The following SUPT5H variants were observed in gnomAD, a reference collection of about 807,000 sequenced individuals.
SUPT5H encodes SPT5 homolog, DSIF elongation factor subunit.
SUPT5H carries 24 observed loss-of-function variants against 142.5 expected under a neutral mutation model. That is an observed-to-expected ratio of 0.17 (90% CI 0.12 to 0.24). The LOEUF is 0.24. Among genes scored for constraint, SUPT5H ranks in the 10% least tolerant of loss-of-function variants. The probability of loss-of-function intolerance (pLI) is 1.00; values close to 1 mark genes in which losing one functional copy is unlikely to be tolerated. For missense variants in SUPT5H, 893 were observed against 1,471.8 expected, an observed-to-expected ratio of 0.61 and a Z score of 6.43; for synonymous variants, 546 against 553.0, an observed-to-expected ratio of 0.99 and a Z score of 0.18.
In SUPT5H at chr19:39,474,143, C is replaced by G; in HGVS notation, c.2651+22C>G. On this transcript the variant is annotated intron_variant, in intron 26 of 29. Coordinates refer to ENST00000432763, the MANE Select transcript of SUPT5H (RefSeq NM_001111020.3). This position sits in a 1 kb window ranked among gnomAD's most constrained non-coding sequence, Gnocchi z 6.5. ...CCATGTGAGTCCACTGGGGCCTGCCCTCGTCTACCCCTGCCCAAACCCTCC... is the reference window on the plus strand; with the variant it reads ...CCATGTGAGTCCACTGGGGCCTGCCGTCGTCTACCCCTGCCCAAACCCTCC... The G allele has an allele frequency of 6.2e-7, 1 of 1,604,492 alleles. No individual in the cohort carries two copies. The highest frequency in any genetic ancestry group is 1.3e-5 in the African/African-American group (1 of 74,914).
intron 9 of SUPT5H, 59 bp downstream of exon 9, chr19:39,459,648 G>C (rs969581202): frequency 1.0e-5 from 16 of 1,605,172 alleles, no homozygotes; most frequent in East Asian, 4.5e-5. Flanking sequence ...GCTGCTTTGT[G>C]GGGGAGAAGT....
chr19:39,465,047 C>G lies in SUPT5H; in HGVS notation c.874C>G (p.Gln292Glu). The G allele has an allele frequency of 6.2e-7, 1 of 1,611,166 alleles. No homozygotes were observed. Among genetic ancestry groups the G allele is most frequent in the South Asian group, 1.1e-5 (1 of 90,962 alleles). The change falls in exon 11 of 30, where the codon CAG (glutamine) becomes GAG (glutamate). Residue 292 changes from glutamine (Q) to glutamate (E), a missense_variant and splice_region_variant. This residue lies in a region of SUPT5H where 428 missense variants were observed against 763.5 expected (regional missense o/e 0.56). Coordinates refer to ENST00000432763, the MANE Select transcript of SUPT5H (RefSeq NM_001111020.3). ...KRGIYKDDIA[Q>E]VDYVEPSQNT... ...GGGCATCTACAAGGATGACATTGCTCAGGTGCCCGGGGCGGGGTGGCATGG... is the reference window on the plus strand; with the variant it reads ...GGGCATCTACAAGGATGACATTGCTGAGGTGCCCGGGGCGGGGTGGCATGG...
intron 18 of SUPT5H, 138 bp from the exon 19 acceptor site, chr19:39,471,219 G>C (rs116204618): frequency 3.7e-5 from 39 of 1,051,150 alleles, no homozygotes; most frequent in Admixed American, 2.2e-4. Context: ...TGCCTGCCCC[G>C]CAGCCAGGGA....
Position 39,469,230 on chromosome 19 carries a change from C to T in SUPT5H, c.1238-32C>T, listed in dbSNP as rs2079283968. 6.2e-7 allele frequency: 1 copy of T among 1,614,080 alleles called. No homozygotes were observed. The highest frequency in any genetic ancestry group is 1.3e-5 in the African/African-American group (1 of 74,938). ...GAGCAGGGGCGGCCCATGGTGGCAACCCCCGAGTCAGCCCTACGACTGCCC... is the reference window on the plus strand; with the variant it reads ...GAGCAGGGGCGGCCCATGGTGGCAATCCCCGAGTCAGCCCTACGACTGCCC... On this transcript the variant is annotated intron_variant, in intron 15 of 29. Transcript: ENST00000432763. This position sits in a 1 kb window ranked among gnomAD's most constrained non-coding sequence, Gnocchi z 5.1.
Position 39,473,285 on chromosome 19 carries a change from G to T in SUPT5H, c.2341G>T (p.Gly781Cys), listed in dbSNP as rs2079350682. The T allele has an allele frequency of 6.2e-7, 1 of 1,613,796 alleles. No individual in the cohort carries two copies. Among genetic ancestry groups the T allele is most frequent in the Admixed American group, 1.7e-5 (1 of 60,006 alleles). The change falls in exon 24 of 30, where the codon GGC becomes TGC. Residue 781 changes from glycine (G) to cysteine (C), a missense_variant. Coordinates refer to ENST00000432763, the MANE Select transcript of SUPT5H (RefSeq NM_001111020.3). This position sits in a 1 kb window ranked among gnomAD's most constrained non-coding sequence, Gnocchi z 5.8. The stretch of plus-strand genomic sequence containing the variant: ...CTCCCAGACGCCCATGTATGGCTCT[G>T]GCTCCCGAACACCCATGTACGGCTC... ...YGSQTPMYGSGSRTPMYGSQT... is the reference protein window; with the variant it reads ...YGSQTPMYGSCSRTPMYGSQT...
In SUPT5H at chr19:39,469,627, T is replaced by A. The variant is rs2079291094; in HGVS notation, c.1374+229T>A. 1 of 620,370 alleles carries A rather than the reference T, an allele frequency of 1.6e-6. No homozygotes were observed. 38.4% of individuals were successfully genotyped at this position (620,370 alleles called of 1,614,324 possible). On this transcript the variant is annotated intron_variant, in intron 16 of 29. Transcript: ENST00000432763. This position sits in a 1 kb window ranked among gnomAD's most constrained non-coding sequence, Gnocchi z 5.1. ...TCTCTGGAGAGTGACTTGGTCTATCTTTTGTTTCTGAAAAGCAAGATATCT... is the reference window on the plus strand; with the variant it reads ...TCTCTGGAGAGTGACTTGGTCTATCATTTGTTTCTGAAAAGCAAGATATCT...
chr19:39,473,479 A>G lies in SUPT5H; in HGVS notation c.2450A>G (p.Gln817Arg). 2 of 1,612,746 alleles carry G rather than the reference A, an allele frequency of 1.2e-6. No individual in the cohort carries two copies. Among genetic ancestry groups the G allele is most frequent in the South Asian group, 1.1e-5 (1 of 91,076 alleles). Reference sequence around the variant, plus strand: ...CATGATGGCAGCCGCACTCCTGCCCAGAGTGGGGCCTGGGACCCCAACAAC... The same window carrying G: ...CATGATGGCAGCCGCACTCCTGCCCGGAGTGGGGCCTGGGACCCCAACAAC... ...PLHDGSRTPA[Q>R]SGAWDPNNPN... is the part of the protein sequence containing the mutation. Residue 817 changes from glutamine to arginine, a missense_variant, in exon 25 of 30, where the codon CAG becomes CGG. Gln to Arg is a conservative substitution (Grantham distance 43, BLOSUM62 1). Transcript: ENST00000432763. The surrounding 1 kb of genome is among the most constrained non-coding windows in gnomAD (Gnocchi z 5.8).
intron 2 of SUPT5H, among the ~76,000 whole-genome samples, chr19:39,449,743 A>G (rs1319383630): frequency 6.6e-6 from 1 of 151,340 alleles, no homozygotes. Context: ...ACGGTCAAGC[A>G]GTTCTCCTCT....
chr19:39,446,538 C>A (rs531246532), intron 2 of SUPT5H, among the ~76,000 whole-genome samples: 2 of 152,228 alleles, frequency 1.3e-5, no homozygotes, highest in South Asian at 4.1e-4. Flanking sequence ...TCGTGGTTAG[C>A]TGGAAGTGTA....
Position 39,458,030 on chromosome 19 carries a change from AC to A in SUPT5H, c.308-258del. On this transcript the variant is annotated intron_variant, in intron 4 of 29. Transcript: ENST00000432763. The surrounding 1 kb of genome is among the most constrained non-coding windows in gnomAD (Gnocchi z 4.2). ...GGGTGGGCGAGCTCTGTCCCAAGAT[AC>A]CCCCCACTTCCTGGGCCAGTGCCCC... 5 of 713,264 alleles carry A rather than the reference AC, an allele frequency of 7.0e-6. No individual in the cohort carries two copies. The highest frequency in any genetic ancestry group is 1.8e-5 in the South Asian group (1 of 55,330). 44.2% of individuals were successfully genotyped at this position (713,264 alleles called of 1,614,324 possible).
At chr19:39,471,843 T>C in intron 20 of SUPT5H, 113 bp downstream of exon 20, 1 of 1,417,320 alleles carries the variant, frequency 7.1e-7, no homozygotes, top group Non-Finnish European at 9.4e-7. Flanking sequence ...GAGAGCAGTG[T>C]CATTGTCAGG....
In SUPT5H at chr19:39,474,071, C is replaced by A; in HGVS notation, c.2601C>A (p.Ser867=). Residue 867 remains serine, a synonymous_variant, in exon 26 of 30, where the codon TCC becomes TCA. Coordinates refer to ENST00000432763, the MANE Select transcript of SUPT5H (RefSeq NM_001111020.3). This position sits in a 1 kb window ranked among gnomAD's most constrained non-coding sequence, Gnocchi z 6.5. ...PQTPGYPDPS[S]PQVNPQYNPQ... ...CACCTGGCTACCCAGACCCCTCGTC[C>A]CCACAGGTCAACCCACAATACAACC... 1 of 1,608,876 alleles carries A rather than the reference C, an allele frequency of 6.2e-7. No individual in the cohort carries two copies. Among genetic ancestry groups the A allele is most frequent in the Non-Finnish European group, 8.5e-7 (1 of 1,177,028 alleles).
intron 2 of SUPT5H, among the ~76,000 whole-genome samples, chr19:39,451,187 C>CTTT (rs36028459): frequency 7.7e-4 from 86 of 111,690 alleles, no homozygotes; most frequent in African/African-American, 2.0e-3. Flanking sequence ...TGAGCATGAC[C>CTTT]TTTTTTTTTT....
chr19:39,468,897 G>C (rs543316554), intron 14 of SUPT5H, 36 bp downstream of exon 14: 1 of 1,600,102 alleles, frequency 6.2e-7, no homozygotes, highest in Non-Finnish European at 8.6e-7. Flanking sequence ...AATGGGGGTG[G>C]TGTGAGTGTT....
chr19:39,458,665 G>C lies in SUPT5H; in HGVS notation c.320-153G>C. ...AAGAAGCAGGATGCTGAGTAGGACA[G>C]AGTAGGGGATGAGGGGTTGGGATTT... is the stretch of plus-strand genomic sequence containing the variant. On this transcript the variant is annotated intron_variant, in intron 5 of 29. Coordinates refer to ENST00000432763, the MANE Select transcript of SUPT5H (RefSeq NM_001111020.3). The surrounding 1 kb of genome is among the most constrained non-coding windows in gnomAD (Gnocchi z 4.2). 1 of 771,536 alleles carries C rather than the reference G, an allele frequency of 1.3e-6. No individual in the cohort carries two copies. The allele number at this position is 771,536 out of a possible 1,614,324, so 47.8% of individuals were successfully genotyped here.
rs1307999031 is a variant in SUPT5H at position 39,473,166 on chromosome 19, G to A, written c.2259-37G>A. Reference sequence around the variant, plus strand: ...GGGTGGGGCTTGCTAGGCAGTGAGAGGGGTCTGCTCACCCCATTTGTTCTC... The same window carrying A: ...GGGTGGGGCTTGCTAGGCAGTGAGAAGGGTCTGCTCACCCCATTTGTTCTC... On this transcript the variant is annotated intron_variant, in intron 23 of 29. Transcript: ENST00000432763. This position sits in a 1 kb window ranked among gnomAD's most constrained non-coding sequence, Gnocchi z 5.8. 6.2e-7 allele frequency: 1 copy of A among 1,610,712 alleles called. No homozygotes were observed. Among genetic ancestry groups the A allele is most frequent in the Non-Finnish European group, 8.5e-7 (1 of 1,179,524 alleles).
In SUPT5H at chr19:39,474,077, G is replaced by A. The variant is rs1287935932; in HGVS notation, c.2607G>A (p.Gln869=). 1 of 1,607,738 alleles carries A rather than the reference G, an allele frequency of 6.2e-7. No homozygotes were observed. The highest frequency in any genetic ancestry group is 8.5e-7 in the Non-Finnish European group (1 of 1,176,392). Reference sequence around the variant, plus strand: ...GCTACCCAGACCCCTCGTCCCCACAGGTCAACCCACAATACAACCCGCAGA... The same window carrying A: ...GCTACCCAGACCCCTCGTCCCCACAAGTCAACCCACAATACAACCCGCAGA... ...TPGYPDPSSP[Q]VNPQYNPQTP... is the part of the protein sequence containing the mutation. Residue 869 remains glutamine, a synonymous_variant, in exon 26 of 30, where the codon CAG becomes CAA. Transcript: ENST00000432763. The surrounding 1 kb of genome is among the most constrained non-coding windows in gnomAD (Gnocchi z 6.5).
Position 39,458,022 on chromosome 19 carries a change from C to A in SUPT5H, c.308-272C>A. On this transcript the variant is annotated intron_variant, in intron 4 of 29. Transcript: ENST00000432763. This position sits in a 1 kb window ranked among gnomAD's most constrained non-coding sequence, Gnocchi z 4.2. ...GGGTTGTAGGGTGGGCGAGCTCTGT[C>A]CCAAGATACCCCCCACTTCCTGGGC... 1.4e-6 allele frequency: 1 copy of A among 724,996 alleles called. No individual in the cohort carries two copies. The highest frequency in any genetic ancestry group is 2.3e-6 in the Non-Finnish European group (1 of 438,800). 44.9% of individuals were successfully genotyped at this position (724,996 alleles called of 1,614,324 possible).
intron 2 of SUPT5H, among the ~76,000 whole-genome samples, chr19:39,450,939 A>G (rs1162722273): frequency 6.6e-6 from 1 of 152,150 alleles, no homozygotes; most frequent in African/African-American, 2.4e-5. Context: ...CTTTATAGTT[A>G]CCTTGTGTTT....
Sources: gnomAD v4.1 joint callset for allele counts (sites outside exome capture counted in the v4.1 genomes callset) on GRCh38, gnomAD v4.1.1 for gene constraint, gnomAD v4.1.1 regional missense constraint, Gnocchi (gnomAD v3.1) non-coding constraint, MANE v1.5 for transcripts, NCBI Gene and HGNC (gene_info 2026-07-23, HGNC 2026-07-21) for gene names.